Variants in SYN3 observed in about 807,000 individuals in gnomAD.
The protein encoded by SYN3 is synapsin III.
Under a neutral mutation model 65.8 loss-of-function variants are expected in SYN3, and 35 were observed. The observed-to-expected ratio is 0.53, with a 90% CI of 0.41 to 0.70. The LOEUF (loss-of-function observed/expected upper bound fraction) is 0.70, where lower values mean the gene tolerates loss of function less well. SYN3 is among the 30% of genes least tolerant of loss of function. The pLI is 0.00. For synonymous variants in SYN3, 270 were observed against 292.9 expected (o/e 0.92, Z 0.80); for missense variants, 680 against 749.0 (o/e 0.91, Z 1.08).
intron 6 of SYN3, among the ~76,000 whole-genome samples, chr22:32,796,742 G>C (rs2046437621): frequency 6.6e-6 from 1 of 152,112 alleles, no homozygotes; most frequent in African/African-American, 2.4e-5. Context: ...GAGGGGAAGA[G>C]GGAGGAAAGC....
rs2048416763 is a variant in SYN3 at position 32,857,904 on chromosome 22, A to G, written c.711+7011T>C. 4 of 1,539,782 alleles carry G rather than the reference A, an allele frequency of 2.6e-6. No individual in the cohort carries two copies. In the Admixed American group the frequency reaches 5.0e-5, roughly 19 times the overall value. Reference sequence around the variant, plus strand: ...GGGTGAAATAAAATCATGGGTCTGAAAAGTACCCAGCCACAGTGCCTGGGC... The same window carrying G: ...GGGTGAAATAAAATCATGGGTCTGAGAAGTACCCAGCCACAGTGCCTGGGC... On this transcript the variant is annotated intron_variant, in intron 6 of 13. Transcript: ENST00000358763.
In SYN3 at chr22:32,561,726, CTTCT is replaced by C. The variant is rs1010579064; in HGVS notation, c.775-20017_775-20014del. ...CAAGTGTGGACCAGTCCATTCTTCT[CTTCT>C]TTCTGTTTCCCACGAAGAGCATGGA... On this transcript the variant is annotated intron_variant, in intron 7 of 13. Transcript: ENST00000358763. Among the ~76,000 whole-genome samples, 31 of 152,186 alleles carry C rather than the reference CTTCT, an allele frequency of 2.0e-4. 2 individuals are homozygous for C. Among genetic ancestry groups the C allele is most frequent in the Non-Finnish European group, 2.9e-5 (2 of 68,036 alleles).
chr22:32,826,216 G>A (rs969725271), intron 6 of SYN3, among the ~76,000 whole-genome samples: 9 of 152,148 alleles, frequency 5.9e-5, no homozygotes, highest in African/African-American at 2.2e-4. Flanking sequence ...ATCACTTGAG[G>A]TCAGGAGTTT....
rs568729053 is a variant in SYN3, at chr22:33,056,358, G to T, written c.-163+1934C>A. On this transcript the variant is annotated intron_variant, in intron 1 of 13. Transcript: ENST00000358763. ...TGTGAGGTAGTGTAGTGGATACCGT[G>T]GGGAAATGCTCAACTCCCCCTCCAA... 2.0e-5 allele frequency among the ~76,000 whole-genome samples: 3 copies of T among 152,242 alleles called. No individual in the cohort carries two copies. The East Asian group carries it at 5.8e-4, about 29-fold the overall frequency.
At chr22:32,541,497 G>A in intron 8 of SYN3, 74 bp downstream of exon 8, 1 of 1,578,784 alleles carries the variant, frequency 6.3e-7, no homozygotes, top group Admixed American at 1.7e-5. Flanking sequence ...TTGGGTGCAG[G>A]AGACAGCGGC....
At chr22:32,811,635 A>T (rs1462527166) in intron 6 of SYN3, among the ~76,000 whole-genome samples, 1 of 152,242 alleles carries the variant, frequency 6.6e-6, no homozygotes, top group African/African-American at 2.4e-5. Context: ...TAGAGTCTTA[A>T]GTCCATTTGA....
chr22:32,711,433 C>T (rs965151212), intron 6 of SYN3, among the ~76,000 whole-genome samples: 3 of 152,072 alleles, frequency 2.0e-5, no homozygotes, highest in African/African-American at 7.2e-5. Context: ...AGTTTAAACA[C>T]CAGCCAAAGT....
At chr22:32,723,653 C>G (rs943599731) in intron 6 of SYN3, among the ~76,000 whole-genome samples, 2 of 152,250 alleles carry the variant, frequency 1.3e-5, no homozygotes, top group African/African-American at 2.4e-5. Flanking sequence ...AATTTCAGCT[C>G]TGGGCTCGGC....
At position 32,509,143 on chromosome 22, in the gene SYN3, G is replaced by A. The variant is rs762734998; in HGVS notation, c.*4549C>T. The stretch of plus-strand genomic sequence containing the variant: ...CTGATTTTACATTTAACCAAAGTAC[G>A]GTACCATTTTATCGCGCTGACGGGA... On this transcript the variant is annotated 3_prime_UTR_variant, in exon 14 of 14. Coordinates refer to ENST00000358763, the MANE Select transcript of SYN3 (RefSeq NM_003490.4). 5.9e-5 allele frequency among the ~76,000 whole-genome samples: 9 copies of A among 152,262 alleles called. No homozygotes were observed. Among genetic ancestry groups the A allele is most frequent in the African/African-American group, 9.6e-5 (4 of 41,554 alleles).
chr22:32,687,308 G>A (rs983238980), intron 6 of SYN3, among the ~76,000 whole-genome samples: 3 of 151,974 alleles, frequency 2.0e-5, no homozygotes, highest in Non-Finnish European at 2.9e-5. Context: ...GATTACAAGC[G>A]CTCACCACCA....
At chr22:32,734,258 G>A (rs979243202) in intron 6 of SYN3, among the ~76,000 whole-genome samples, 33 of 152,166 alleles carry the variant, frequency 2.2e-4, no homozygotes, top group Admixed American at 6.6e-5. Flanking sequence ...ACGCATGCAG[G>A]ATATATCTTA....
intron 6 of SYN3, chr22:32,858,085 C>T (rs762314578): frequency 6.2e-7 from 1 of 1,614,208 alleles, no homozygotes; most frequent in Non-Finnish European, 8.5e-7. Context: ...CCAGCTCACC[C>T]TCTCCCAGCG....
rs116153866 is a variant in SYN3, at chr22:32,951,225, A to G, written c.370-19744T>C. ...AGTTCCGACTTGCTCAGCCATTGCC[A>G]CACTGTCAAACACACCAAGCAAGCT... On this transcript the variant is annotated intron_variant, in intron 3 of 13. Coordinates refer to ENST00000358763, the MANE Select transcript of SYN3 (RefSeq NM_003490.4). Among the ~76,000 whole-genome samples, 849 of 152,076 alleles carry G rather than the reference A, an allele frequency of 5.6e-3. 5 individuals are homozygous for G. The highest frequency in any genetic ancestry group is 0.019 in the African/African-American group (785 of 41,472).
intron 6 of SYN3, among the ~76,000 whole-genome samples, chr22:32,634,526 C>T (rs377093067): frequency 1.3e-5 from 2 of 152,180 alleles, no homozygotes; most frequent in Non-Finnish European, 2.9e-5. Flanking sequence ...CATATCTGAC[C>T]AGGGCACTCT....
intron 6 of SYN3, among the ~76,000 whole-genome samples, chr22:32,636,713 G>C (rs1411911271): frequency 1.3e-5 from 2 of 152,130 alleles, no homozygotes; most frequent in African/African-American, 4.8e-5. Context: ...TTGGATATCT[G>C]AGAGCCCCAG....
chr22:32,688,361 G>A (rs1032900724), intron 6 of SYN3, among the ~76,000 whole-genome samples: 12 of 152,220 alleles, frequency 7.9e-5, no homozygotes, highest in South Asian at 2.1e-4. Context: ...GCTACTTCCC[G>A]TTCAAAATTG....
In SYN3 at chr22:32,634,432, A is replaced by C. The variant is rs145441225; in HGVS notation, c.712-37696T>G. On this transcript the variant is annotated intron_variant, in intron 6 of 13. Transcript: ENST00000358763. Reference sequence around the variant, plus strand: ...AATTCAAATATATGTTCCTGTATTCACAGAGGCAACGTAGAGATAGTGCAT... The same window carrying C: ...AATTCAAATATATGTTCCTGTATTCCCAGAGGCAACGTAGAGATAGTGCAT... 1.5e-3 allele frequency among the ~76,000 whole-genome samples: 236 copies of C among 152,320 alleles called. 3 individuals are homozygous for C. The East Asian group carries it at 0.038, about 25-fold the overall frequency.
chr22:32,874,580 C>T (rs1316197415), intron 4 of SYN3, among the ~76,000 whole-genome samples: 2 of 152,202 alleles, frequency 1.3e-5, no homozygotes, highest in African/African-American at 4.8e-5. Context: ...AAGAACAGCT[C>T]TTGGCTGGAC....
At chr22:32,794,501 G>A (rs552207739) in intron 6 of SYN3, among the ~76,000 whole-genome samples, 138 of 152,296 alleles carry the variant, frequency 9.1e-4, no homozygotes, top group Non-Finnish European at 1.7e-3. Context: ...AATGTGTGAC[G>A]GTGATACTCT....
Sources: gnomAD v4.1 joint callset for allele counts (sites outside exome capture counted in the v4.1 genomes callset) on GRCh38, gnomAD v4.1.1 for gene constraint, MANE v1.5 for transcripts, NCBI Gene and HGNC (gene_info 2026-07-23, HGNC 2026-07-21) for gene names.